The following ULK4 variants were observed in gnomAD, a reference collection of about 807,000 sequenced individuals.
ULK4 encodes unc-51 like kinase 4.
Under a neutral mutation model 160.6 loss-of-function variants are expected in ULK4, and 133 were observed. That is an observed-to-expected ratio of 0.83 (90% CI 0.72 to 0.96). The LOEUF (loss-of-function observed/expected upper bound fraction) is 0.96. Among genes scored for constraint, ULK4 ranks in the 40% least tolerant of loss-of-function variants. The pLI is 0.00. For missense variants in ULK4, 1,580 were observed against 1,499.5 expected, an observed-to-expected ratio of 1.05 and a Z score of -0.89; for synonymous variants, 534 against 539.8, an observed-to-expected ratio of 0.99 and a Z score of 0.15.
chr3:41,574,655 C>G (rs2088126600), intron 31 of ULK4, among the ~76,000 whole-genome samples: 2 of 150,364 alleles, frequency 1.3e-5, no homozygotes, highest in Non-Finnish European at 3.0e-5. Flanking sequence ...CATTCTCCTG[C>G]CTCAGCCTCC....
At chr3:41,808,496 C>T (rs568829437) in intron 19 of ULK4, among the ~76,000 whole-genome samples, 2 of 152,314 alleles carry the variant, frequency 1.3e-5, no homozygotes, top group East Asian at 3.9e-4. Flanking sequence ...GGATACCATA[C>T]AAGCAAATAA....
intron 35 of ULK4, among the ~76,000 whole-genome samples, chr3:41,273,552 C>G (rs1298109698): frequency 6.6e-6 from 1 of 152,196 alleles, no homozygotes; most frequent in African/African-American, 2.4e-5. Context: ...CTGTCTTGGT[C>G]TCTCTGGACT....
intron 22 of ULK4, among the ~76,000 whole-genome samples, chr3:41,743,024 G>C (rs1367633569): frequency 1.3e-5 from 2 of 151,876 alleles, no homozygotes; most frequent in African/African-American, 4.9e-5. Flanking sequence ...CCAAAGAGGG[G>C]AAGAGAGAGA....
intron 32 of ULK4, among the ~76,000 whole-genome samples, chr3:41,553,133 C>A (rs2087139554): frequency 6.6e-6 from 1 of 151,908 alleles, no homozygotes; most frequent in African/African-American, 2.4e-5. Context: ...ACCATAAGAC[C>A]AGAAACCATA....
intron 32 of ULK4, among the ~76,000 whole-genome samples, chr3:41,513,171 C>T (rs943025804): frequency 6.6e-6 from 1 of 152,136 alleles, no homozygotes; most frequent in Non-Finnish European, 1.5e-5. Flanking sequence ...AGACTTAAAT[C>T]TAAGACCTGA....
At chr3:41,381,801 C>A (rs1304231210) in intron 35 of ULK4, among the ~76,000 whole-genome samples, 2 of 152,136 alleles carry the variant, frequency 1.3e-5, no homozygotes, top group African/African-American at 4.8e-5. Flanking sequence ...TTCCACTTCA[C>A]TGGGGATAAA....
chr3:41,410,136 T>C (rs1411651184), intron 34 of ULK4, among the ~76,000 whole-genome samples: 2 of 152,116 alleles, frequency 1.3e-5, no homozygotes, highest in African/African-American at 4.8e-5. Flanking sequence ...CCAGTTCCTT[T>C]AAAAGTTAGA....
At chr3:41,300,206 C>G (rs1315342347) in intron 35 of ULK4, among the ~76,000 whole-genome samples, 2 of 152,156 alleles carry the variant, frequency 1.3e-5, no homozygotes, top group African/African-American at 4.8e-5. Context: ...AACCATTGAG[C>G]TGTCTGATTT....
chr3:41,317,497 G>A (rs2080168241), intron 35 of ULK4, among the ~76,000 whole-genome samples: 1 of 152,114 alleles, frequency 6.6e-6, no homozygotes, highest in South Asian at 2.1e-4. Context: ...TATTGATAAC[G>A]ATTGATAATG....
intron 17 of ULK4, among the ~76,000 whole-genome samples, chr3:41,837,944 T>TA (rs1316687713): frequency 2.6e-5 from 4 of 152,204 alleles, no homozygotes; most frequent in African/African-American, 4.8e-5. Flanking sequence ...GCCTTACACA[T>TA]AATACATCAT....
chr3:41,611,528 A>G (rs1420284983), intron 31 of ULK4, among the ~76,000 whole-genome samples: 1 of 152,080 alleles, frequency 6.6e-6, no homozygotes, highest in Non-Finnish European at 1.5e-5. Flanking sequence ...TGCCAGCCCC[A>G]CAGTCCCTTT....
chr3:41,929,307 ACT>A (rs1699496625), intron 5 of ULK4, among the ~76,000 whole-genome samples: 1 of 152,034 alleles, frequency 6.6e-6, no homozygotes, highest in Non-Finnish European at 1.5e-5. Flanking sequence ...CATGCTAAAA[ACT>A]CTCAATAAAC....
At chr3:41,466,037 A>G (rs907010883) in intron 32 of ULK4, among the ~76,000 whole-genome samples, 2 of 152,150 alleles carry the variant, frequency 1.3e-5, no homozygotes, top group African/African-American at 4.8e-5. Context: ...TTTTTAAATA[A>G]TATATATTAT....
chr3:41,928,772 TC>T (rs1266621401), intron 5 of ULK4, among the ~76,000 whole-genome samples: 1 of 151,900 alleles, frequency 6.6e-6, no homozygotes, highest in Non-Finnish European at 1.5e-5. Context: ...ATATACATGC[TC>T]CCAAGTCTAA....
At chr3:41,837,455 TTA>T (rs2125655473) in intron 17 of ULK4, among the ~76,000 whole-genome samples, 1 of 152,338 alleles carries the variant, frequency 6.6e-6, no homozygotes, top group Non-Finnish European at 1.5e-5. Flanking sequence ...TTTCTAAATT[TTA>T]TGTTGATCAT....
chr3:41,703,454 T>A (rs1394214187), intron 27 of ULK4, among the ~76,000 whole-genome samples: 2 of 152,060 alleles, frequency 1.3e-5, no homozygotes, highest in Non-Finnish European at 2.9e-5. Flanking sequence ...AAATATAAAA[T>A]ATTTTAACCA....
At chr3:41,794,117 C>T (rs1377057375) in intron 20 of ULK4, among the ~76,000 whole-genome samples, 1 of 152,176 alleles carries the variant, frequency 6.6e-6, no homozygotes, top group Non-Finnish European at 1.5e-5. Context: ...GTGTGGAGAA[C>T]ACACTAGTGT....
chr3:41,333,338 C>T (rs2080486093), intron 35 of ULK4, among the ~76,000 whole-genome samples: 1 of 152,224 alleles, frequency 6.6e-6, no homozygotes, highest in African/African-American at 2.4e-5. Flanking sequence ...CTGCTCATTT[C>T]TATCTGTGAT....
chr3:41,661,494 CAGAT>C lies in ULK4; in HGVS notation c.3071+2109_3071+2112del, dbSNP rs559616474. Among the ~76,000 whole-genome samples the C allele has an allele frequency of 9.7e-4, 130 of 134,464 alleles. 1 individual carries two copies. Among genetic ancestry groups the C allele is most frequent in the Middle Eastern group, 3.5e-3 (1 of 288 alleles). The allele number at this position is 134,464 out of a possible 152,430, so 88.2% of individuals were successfully genotyped here. A position where few individuals can be genotyped will look rare whatever the true frequency, so the allele number is the denominator to read the frequency against. ...ACATACAGATAGGCAGGCAGATAGACAGATAGATAGATAGATGATAGATAGATAG... is the reference window on the plus strand; with the variant it reads ...ACATACAGATAGGCAGGCAGATAGACAGATAGATAGATGATAGATAGATAG... On this transcript the variant is annotated intron_variant, in intron 30 of 36. Coordinates refer to ENST00000301831, the MANE Select transcript of ULK4 (RefSeq NM_017886.4).
Sources: allele counts gnomAD v4.1 joint callset (sites outside exome capture counted in the v4.1 genomes callset), GRCh38; gene constraint gnomAD v4.1.1; transcripts MANE v1.5; gene names NCBI Gene and HGNC (gene_info 2026-07-23, HGNC 2026-07-21).